THADA: variants seen among roughly 807,000 people sequenced by gnomAD.
The protein encoded by THADA is tRNA (32-2'-O)-methyltransferase regulator THADA.
Under a neutral mutation model 219.8 loss-of-function variants are expected in THADA, and 213 were observed. The observed-to-expected ratio is 0.97, with a 90% CI of 0.87 to 1.09. The LOEUF (loss-of-function observed/expected upper bound fraction) is 1.09, where lower values mean the gene tolerates loss of function less well. Among genes scored for constraint, THADA ranks in the 50% least tolerant of loss-of-function variants. The pLI, the probability that THADA is intolerant of heterozygous loss-of-function variation, is 0.00. For synonymous variants in THADA, 1,018 were observed against 828.9 expected, an observed-to-expected ratio of 1.23 and a Z score of -3.92; for missense variants, 2,956 against 2,311.3, an observed-to-expected ratio of 1.28 and a Z score of -5.72.
intron 29 of THADA, among the ~76,000 whole-genome samples, chr2:43,365,112 A>G (rs566484858): frequency 7.2e-5 from 11 of 151,854 alleles, no homozygotes; most frequent in African/African-American, 2.7e-4. Context: ...TTTAGTAGAG[A>G]TGGGGTTTCA....
chr2:43,316,706 T>C (rs1329872188), intron 31 of THADA, among the ~76,000 whole-genome samples: 2 of 152,156 alleles, frequency 1.3e-5, no homozygotes, highest in African/African-American at 2.4e-5. Context: ...GGCGGGTGGA[T>C]CACCTGAGGT....
At chr2:43,267,578 C>A (rs1447479604) in intron 36 of THADA, among the ~76,000 whole-genome samples, 1 of 152,162 alleles carries the variant, frequency 6.6e-6, no homozygotes, top group East Asian at 1.9e-4. Flanking sequence ...ATGACGAGGG[C>A]CTGGCTGATA....
Position 43,577,016 on chromosome 2 carries a change from A to G in THADA, c.1037+6T>C. The G allele has an allele frequency of 6.2e-7, 1 of 1,609,820 alleles. No homozygotes were observed. Among genetic ancestry groups the G allele is most frequent in the Non-Finnish European group, 8.5e-7 (1 of 1,177,790 alleles). ...CAAAATATGAGACGATAGCATCAAA[A>G]CTCACTGTGAACTCAAGGTGAACAA... On this transcript the variant is annotated splice_donor_region_variant and intron_variant, in intron 10 of 37. Transcript: ENST00000405975.
intron 21 of THADA, 147 bp from the exon 22 acceptor site, chr2:43,528,135 T>C: frequency 1.9e-6 from 1 of 513,094 alleles, no homozygotes; most frequent in South Asian, 2.7e-5. Context: ...GCTTTTTTTT[T>C]TTTTTTTTTT....
At position 43,489,874 on chromosome 2, in the gene THADA, C is replaced by CAAAAAAA. The variant is rs201735523; in HGVS notation, c.3745-4556_3745-4550dup. 2.9e-4 allele frequency among the ~76,000 whole-genome samples: 16 copies of CAAAAAAA among 56,058 alleles called. 2 individuals carry two copies. Among genetic ancestry groups the CAAAAAAA allele is most frequent in the African/African-American group, 1.0e-3 (15 of 15,018 alleles). 36.8% of individuals were successfully genotyped at this position (56,058 alleles called of 152,430 possible). On this transcript the variant is annotated intron_variant, in intron 25 of 37. Coordinates refer to ENST00000405975, the MANE Select transcript of THADA (RefSeq NM_022065.5). ...ATTTCCATATGTATTTTAAGATCTG[C>CAAAAAAA]AAAAAAAAAAAAAAAAAAAAGCTAG...
At position 43,541,073 on chromosome 2, in the gene THADA, C is replaced by A. The variant is rs1003442222; in HGVS notation, c.3264+86G>T. The A allele has an allele frequency of 3.0e-6, 4 of 1,330,316 alleles. No individual in the cohort carries two copies. The African/African-American group carries it at 6.1e-5, about 20-fold the overall frequency. The allele number at this position is 1,330,316 out of a possible 1,614,324, so 82.4% of individuals were successfully genotyped here. A position where few individuals can be genotyped will look rare whatever the true frequency, so the allele number is the denominator to read the frequency against. On this transcript the variant is annotated intron_variant, in intron 21 of 37. Transcript: ENST00000405975. The stretch of plus-strand genomic sequence containing the variant: ...GATTTTATTCAAGAAAAATTTTAAA[C>A]CTTTTTTTAGAGTTGGGTTATAAAA...
At chr2:43,546,730 TTCC>T (rs1322022327) in intron 20 of THADA, among the ~76,000 whole-genome samples, 1 of 152,130 alleles carries the variant, frequency 6.6e-6, no homozygotes, top group Non-Finnish European at 1.5e-5. Context: ...TTGGTAGATC[TTCC>T]TCCATCCTTT....
At chr2:43,330,592 T>C (rs1302408244) in intron 30 of THADA, among the ~76,000 whole-genome samples, 1 of 152,154 alleles carries the variant, frequency 6.6e-6, no homozygotes, top group Non-Finnish European at 1.5e-5. Flanking sequence ...AAAGGTGCTG[T>C]CTCTACCAGG....
intron 36 of THADA, among the ~76,000 whole-genome samples, chr2:43,233,712 T>A (rs1309315614): frequency 6.6e-6 from 1 of 152,086 alleles, no homozygotes; most frequent in Non-Finnish European, 1.5e-5. Flanking sequence ...ATTTCAACAT[T>A]TGGCCTTAGA....
intron 29 of THADA, among the ~76,000 whole-genome samples, chr2:43,345,267 G>T (rs1047126478): frequency 6.6e-6 from 1 of 152,174 alleles, no homozygotes; most frequent in East Asian, 1.9e-4. Context: ...ATACGGAAGG[G>T]GGTAATGAGA....
intron 20 of THADA, among the ~76,000 whole-genome samples, chr2:43,547,273 C>T (rs1204184979): frequency 2.6e-5 from 4 of 152,184 alleles, no homozygotes; most frequent in Non-Finnish European, 4.4e-5. Flanking sequence ...GTGGGTAACC[C>T]GACCTTTCTC....
chr2:43,359,121 G>A (rs1473822224), intron 29 of THADA, among the ~76,000 whole-genome samples: 1 of 152,184 alleles, frequency 6.6e-6, no homozygotes, highest in East Asian at 1.9e-4. Context: ...CTAGACAGCT[G>A]GTGTTTGTGG....
At chr2:43,505,851 A>C in intron 23 of THADA, 116 bp from the exon 24 acceptor site, 1 of 737,780 alleles carries the variant, frequency 1.4e-6, no homozygotes, top group Non-Finnish European at 2.2e-6. Context: ...TGTGGTTATC[A>C]AAGAAAGTTA....
At chr2:43,270,222 T>A (rs548586923) in intron 36 of THADA, among the ~76,000 whole-genome samples, 1 of 152,218 alleles carries the variant, frequency 6.6e-6, no homozygotes, top group South Asian at 2.1e-4. Context: ...ACTGGGGAAA[T>A]CATTTACCTT....
intron 28 of THADA, among the ~76,000 whole-genome samples, chr2:43,401,949 T>A (rs1407329540): frequency 4.8e-5 from 7 of 144,526 alleles, no homozygotes; most frequent in East Asian, 1.9e-4. Context: ...GTTTTTTTTT[T>A]TAAAAAAAAT....
intron 26 of THADA, among the ~76,000 whole-genome samples, chr2:43,453,358 A>C (rs567453121): frequency 6.6e-6 from 1 of 152,332 alleles, no homozygotes; most frequent in Non-Finnish European, 1.5e-5. Context: ...GATAATTTTC[A>C]ACAGATTGGC....
At chr2:43,284,400 G>A (rs1673739093) in intron 35 of THADA, among the ~76,000 whole-genome samples, 1 of 152,172 alleles carries the variant, frequency 6.6e-6, no homozygotes, top group Non-Finnish European at 1.5e-5. Flanking sequence ...ACTAAAAGGG[G>A]CCAAGGTACA....
chr2:43,470,933 CT>C (rs1684834625), intron 26 of THADA, among the ~76,000 whole-genome samples: 1 of 152,136 alleles, frequency 6.6e-6, no homozygotes, highest in South Asian at 2.1e-4. Context: ...GGAAACAGAG[CT>C]CATCTATGGG....
intron 31 of THADA, among the ~76,000 whole-genome samples, chr2:43,299,671 A>C (rs148619262): frequency 0.012 from 1,777 of 152,008 alleles, 22 homozygotes; most frequent in African/African-American, 0.036. Context: ...AAAAACAACA[A>C]CACCAACAAA....
Sources: allele counts gnomAD v4.1 joint callset (sites outside exome capture counted in the v4.1 genomes callset), GRCh38; gene constraint gnomAD v4.1.1; transcripts MANE v1.5; gene names NCBI Gene and HGNC (gene_info 2026-07-23, HGNC 2026-07-21).